Variants in GP6 observed in about 807,000 individuals in gnomAD.
The protein encoded by GP6 is platelet glycoprotein VI.
A neutral mutation model predicts 37.3 loss-of-function variants in GP6; 45 were observed. The ratio of observed to expected loss-of-function variants is 1.21; its 90% CI spans 0.95 to 1.55. GP6 has a LOEUF of 1.55. Ranked by LOEUF, GP6 falls within the 40% of genes most tolerant of loss-of-function variation. The pLI, the probability that GP6 is intolerant of heterozygous loss-of-function variation, is 0.00. For synonymous variants in GP6, 340 were observed against 316.4 expected (o/e 1.07, Z -0.79); for missense variants, 813 against 760.2 (o/e 1.07, Z -0.82).
At chr19:55,036,073 TA>T (rs34534412) in intron 1 of GP6, among the ~76,000 whole-genome samples, 1,646 of 134,998 alleles carry the variant, frequency 0.012, 9 homozygotes, top group Middle Eastern at 0.045. Context: ...ATTCCGTCTT[TA>T]AAAAAAAAAA....
rs2074604675 is a variant in GP6 at position 55,032,510 on chromosome 19, C to T, written c.63G>A (p.Gln21=). The change falls in exon 2 of 8, where the codon CAG becomes CAA. Residue 21 remains glutamine (Q), a synonymous_variant. Transcript: ENST00000310373. The stretch of plus-strand genomic sequence containing the variant: ...GGGGTCTGGGGAAGGACTCACCACT[C>T]TGCGCTGGCACACGCCCCAGACACA... 6.2e-7 allele frequency: 1 copy of T among 1,613,878 alleles called. No individual in the cohort carries two copies.
At chr19:55,024,442 G>A (rs1489250240) in intron 5 of GP6, among the ~76,000 whole-genome samples, 1 of 151,194 alleles carries the variant, frequency 6.6e-6, no homozygotes, top group Admixed American at 6.6e-5. Context: ...CCTCAACCCC[G>A]CAAATCTCAT....
chr19:55,038,163 T>G, intron 1 of GP6, 40 bp downstream of exon 1: 1 of 1,517,088 alleles, frequency 6.6e-7, no homozygotes, highest in Non-Finnish European at 9.0e-7. Flanking sequence ...AGTCCATGCC[T>G]GTCCTTCAGC....
At chr19:55,018,957 T>C (rs914870835) in intron 5 of GP6, 8 of 590,306 alleles carry the variant, frequency 1.4e-5, no homozygotes, top group Non-Finnish European at 1.8e-5. Context: ...TTATGAATAT[T>C]GCTGCTGTGA....
At chr19:55,018,548 G>A in intron 6 of GP6, 104 bp downstream of exon 6, 1 of 805,338 alleles carries the variant, frequency 1.2e-6, no homozygotes, top group Non-Finnish European at 2.3e-6. Context: ...GTAAGAGACG[G>A]ACAGTTCGGT....
At chr19:55,021,519 G>GT (rs1439207263) in intron 5 of GP6, among the ~76,000 whole-genome samples, 8 of 74,570 alleles carry the variant, frequency 1.1e-4, no homozygotes, top group South Asian at 4.2e-4. Context: ...GACTTTTGTT[G>GT]GTTTTTTTTT....
chr19:55,023,157 A>T (rs2074143359), intron 5 of GP6, among the ~76,000 whole-genome samples: 1 of 152,234 alleles, frequency 6.6e-6, no homozygotes, highest in African/African-American at 2.4e-5. Context: ...AAAAACAGAC[A>T]CATAGACCAA....
At chr19:55,015,480 C>G (rs2073839375) in intron 7 of GP6, among the ~76,000 whole-genome samples, 1 of 152,182 alleles carries the variant, frequency 6.6e-6, no homozygotes. Context: ...TGGAATCTCT[C>G]TTTCTCTGAC....
chr19:55,014,220 C>T lies in GP6; in HGVS notation c.1725G>A (p.Leu575=), dbSNP rs777356988. Reference sequence around the variant, plus strand: ...CCAGGCTCAAGCCATTCTCCCACCTCAGCCCCCTGAGTTGCTGGGAGTATA... The same window carrying T: ...CCAGGCTCAAGCCATTCTCCCACCTTAGCCCCCTGAGTTGCTGGGAGTATA... Residue 575 remains leucine, a synonymous_variant, in exon 8 of 8, where the codon CTG becomes CTA. Transcript: ENST00000310373. 8.8e-6 allele frequency: 7 copies of T among 798,534 alleles called. No individual in the cohort carries two copies. The South Asian group carries it at 9.7e-5, about 11-fold the overall frequency. 49.5% of individuals were successfully genotyped at this position (798,534 alleles called of 1,614,324 possible). A position where few individuals can be genotyped will look rare whatever the true frequency, so the allele number is the denominator to read the frequency against.
chr19:55,015,027 A>G lies in GP6; in HGVS notation c.918T>C (p.Cys306=). The change falls in exon 8 of 8, where the codon TGT becomes TGC. Residue 306 remains cysteine (C), a synonymous_variant. Coordinates refer to ENST00000310373, the MANE Select transcript of GP6 (RefSeq NM_001083899.2). Reference sequence around the variant, plus strand: ...CGGGAGGGGCGGAAGCGGCCTCTGCACAGCCCTGCCCCTGTGCCGCAGGCG... The same window carrying G: ...CGGGAGGGGCGGAAGCGGCCTCTGCGCAGCCCTGCCCCTGTGCCGCAGGCG... The G allele has an allele frequency of 6.2e-7, 1 of 1,611,682 alleles. No individual in the cohort carries two copies. Among genetic ancestry groups the G allele is most frequent in the Non-Finnish European group, 8.5e-7 (1 of 1,179,160 alleles).
intron 3 of GP6, among the ~76,000 whole-genome samples, chr19:55,028,977 A>G (rs1258592017): frequency 1.3e-5 from 2 of 151,146 alleles, no homozygotes; most frequent in Admixed American, 1.3e-4. Flanking sequence ...CCTGGGTGAC[A>G]GAGTGAGACC....
intron 6 of GP6, among the ~76,000 whole-genome samples, chr19:55,016,711 G>A (rs887219544): frequency 1.3e-5 from 2 of 151,760 alleles, no homozygotes; most frequent in Non-Finnish European, 2.9e-5. Context: ...CCTGAGACTC[G>A]CCAGGTACTC....
intron 5 of GP6, among the ~76,000 whole-genome samples, chr19:55,024,346 ATG>A (rs2074219156): frequency 7.3e-6 from 1 of 137,832 alleles, no homozygotes. Flanking sequence ...ACACACGCAC[ATG>A]CACGCACACA....
At chr19:55,028,053 C>T (rs2146825026) in intron 3 of GP6, among the ~76,000 whole-genome samples, 191 bp from the exon 4 acceptor site, 1 of 152,348 alleles carries the variant, frequency 6.6e-6, no homozygotes, top group Admixed American at 6.5e-5. Context: ...GTGCTCACGT[C>T]CTAGTGCTTG....
At chr19:55,029,350 ATATATATATATATATATATATATATTT>A (rs2074455574) in intron 3 of GP6, among the ~76,000 whole-genome samples, 5 of 2,508 alleles carry the variant, frequency 2.0e-3, no homozygotes, top group East Asian at 0.022. Flanking sequence ...ATATATATAT[ATATATATATATATATATATATATATTT>A]TTTTTTTTTT....
intron 1 of GP6, among the ~76,000 whole-genome samples, chr19:55,035,442 G>A (rs144058483): frequency 5.9e-4 from 90 of 152,254 alleles, no homozygotes; most frequent in African/African-American, 1.2e-3. Flanking sequence ...CTCACCGGCC[G>A]GGCGCGCTGG....
intron 5 of GP6, among the ~76,000 whole-genome samples, chr19:55,024,936 C>T (rs910405708): frequency 6.6e-6 from 1 of 152,092 alleles, no homozygotes; most frequent in Non-Finnish European, 1.5e-5. Context: ...CACCCATATT[C>T]AACCAGCTGG....
At chr19:55,023,429 A>G (rs1449736493) in intron 5 of GP6, among the ~76,000 whole-genome samples, 1 of 152,118 alleles carries the variant, frequency 6.6e-6, no homozygotes, top group African/African-American at 2.4e-5. Flanking sequence ...ATAGGGGTGG[A>G]TCCCTCATTG....
rs544367122 is a variant in GP6 at position 55,023,509 on chromosome 19, C to G, written c.664+1709G>C. 2.0e-5 allele frequency among the ~76,000 whole-genome samples: 3 copies of G among 152,184 alleles called. No individual in the cohort carries two copies. In the East Asian group the frequency reaches 5.8e-4, roughly 29 times the overall value. ...GGCTATTGCAAAGTGTGGCATGTCC[C>G]CCAGTCCCAACTCTCTCTCTCTCTT... On this transcript the variant is annotated intron_variant, in intron 5 of 7. Transcript: ENST00000310373.
Sources: allele counts gnomAD v4.1 joint callset (sites outside exome capture counted in the v4.1 genomes callset), GRCh38; gene constraint gnomAD v4.1.1; transcripts MANE v1.5; gene names NCBI Gene and HGNC (gene_info 2026-07-23, HGNC 2026-07-21).